The following ADAM22 variants were observed in gnomAD, a reference collection of about 807,000 sequenced individuals.
ADAM22 encodes ADAM metallopeptidase domain 22.
In ADAM22, 65 loss-of-function variants were observed where a neutral mutation model predicts 144.6. The ratio of observed to expected loss-of-function variants is 0.45; its 90% CI spans 0.37 to 0.55. ADAM22 has a LOEUF of 0.55. Among genes scored for constraint, ADAM22 ranks in the 20% least tolerant of loss-of-function variants. The pLI is 0.00. For synonymous variants in ADAM22, 391 were observed against 412.6 expected, an observed-to-expected ratio of 0.95 and a Z score of 0.63; for missense variants, 974 against 1,184.9, an observed-to-expected ratio of 0.82 and a Z score of 2.61.
intron 3 of ADAM22, among the ~76,000 whole-genome samples, chr7:88,047,812 C>T (rs1041296530): frequency 4.6e-5 from 7 of 151,922 alleles, no homozygotes; most frequent in Non-Finnish European, 8.8e-5. Context: ...TTAGATTACA[C>T]GTATGCAGGG....
rs370626885 is a variant in ADAM22, at chr7:87,935,116, C to T, written c.176C>T (p.Ser59Leu). ...SIVPLRLIYR[S>L]GGEDESRHDA... ...GTGCCACTGCGCCTCATCTACCGCT[C>T]GGGCGGCGAAGACGAAAGTCGGCAC... The change falls in exon 2 of 32, where the codon TCG (serine) becomes TTG (leucine). Residue 59 changes from serine to leucine, a missense_variant. Transcript: ENST00000413139. 3 of 1,613,834 alleles carry T rather than the reference C, an allele frequency of 1.9e-6. No homozygotes were observed. The highest frequency in any genetic ancestry group is 1.3e-5 in the African/African-American group (1 of 75,056).
At chr7:88,145,304 T>A in intron 16 of ADAM22, 108 bp downstream of exon 16, 1 of 1,498,008 alleles carries the variant, frequency 6.7e-7, no homozygotes, top group Non-Finnish European at 9.2e-7. Flanking sequence ...TTTATAGGAT[T>A]TGTGGAAGAA....
chr7:88,189,204 G>A (rs1484015858), intron 30 of ADAM22, among the ~76,000 whole-genome samples: 1 of 152,172 alleles, frequency 6.6e-6, no homozygotes, highest in Non-Finnish European at 1.5e-5. Flanking sequence ...CCAGGAAGGA[G>A]CAAGTGAGAT....
At chr7:87,972,325 C>A (rs1375546972) in intron 2 of ADAM22, among the ~76,000 whole-genome samples, 14 of 150,944 alleles carry the variant, frequency 9.3e-5, no homozygotes, top group Non-Finnish European at 1.6e-4. Flanking sequence ...AGTGAACTCC[C>A]ATTCACAATT....
intron 2 of ADAM22, among the ~76,000 whole-genome samples, chr7:87,943,187 T>C (rs1324956100): frequency 6.7e-6 from 1 of 149,920 alleles, no homozygotes; most frequent in Non-Finnish European, 1.5e-5. Context: ...TATATAACTT[T>C]TTTTGTCATG....
chr7:88,041,991 C>G (rs537518930), intron 3 of ADAM22, among the ~76,000 whole-genome samples: 1 of 152,100 alleles, frequency 6.6e-6, no homozygotes, highest in African/African-American at 2.4e-5. Flanking sequence ...TAAATAGCAC[C>G]TGTTTCTATG....
chr7:88,157,267 AATTAGAGGTACATCTAAACATATC>A (rs761794521), intron 22 of ADAM22, among the ~76,000 whole-genome samples: 3 of 152,116 alleles, frequency 2.0e-5, no homozygotes, highest in Non-Finnish European at 4.4e-5. Context: ...CAATGAGTGG[AATTAGAGGTACATCTAAACATATC>A]ATTATGAAAT....
intron 2 of ADAM22, among the ~76,000 whole-genome samples, chr7:87,937,109 C>T (rs1841420164): frequency 6.6e-6 from 1 of 152,100 alleles, no homozygotes; most frequent in Admixed American, 6.5e-5. Flanking sequence ...GCATGTGCCA[C>T]CTTATCTGGC....
At chr7:88,160,630 A>T (rs776201001) in intron 22 of ADAM22, among the ~76,000 whole-genome samples, 1 of 152,300 alleles carries the variant, frequency 6.6e-6, no homozygotes, top group East Asian at 1.9e-4. Flanking sequence ...TACCCAAAGG[A>T]TTATAAATCA....
At chr7:88,051,757 T>C (rs2129474385) in intron 3 of ADAM22, among the ~76,000 whole-genome samples, 1 of 152,322 alleles carries the variant, frequency 6.6e-6, no homozygotes, top group South Asian at 2.1e-4. Context: ...TGCTATTTCT[T>C]AACAAGTTTT....
intron 3 of ADAM22, among the ~76,000 whole-genome samples, chr7:88,009,209 A>T (rs576992288): frequency 6.6e-6 from 1 of 152,300 alleles, no homozygotes; most frequent in East Asian, 1.9e-4. Flanking sequence ...GTTTGTTATC[A>T]CTGTCCTCAT....
Position 88,068,104 on chromosome 7 carries a change from GA to G in ADAM22, c.324-7521del, listed in dbSNP as rs376672242. Among the ~76,000 whole-genome samples, 397 of 152,260 alleles carry G rather than the reference GA, an allele frequency of 2.6e-3. 2 individuals carry two copies. The highest frequency in any genetic ancestry group is 9.2e-3 in the African/African-American group (383 of 41,564). On this transcript the variant is annotated intron_variant, in intron 3 of 31. Transcript: ENST00000413139. ...GAGGAATGGATGGTTAATTCTCAGT[GA>G]TATTTATTCATTTTCTATAGTGAGG...
intron 3 of ADAM22, among the ~76,000 whole-genome samples, chr7:87,981,548 G>A (rs1404371057): frequency 6.6e-6 from 1 of 152,104 alleles, no homozygotes; most frequent in Admixed American, 6.6e-5. Flanking sequence ...TGGGGATAGG[G>A]AAGAGGGAGA....
At chr7:88,182,587 T>C (rs1847351967) in intron 29 of ADAM22, among the ~76,000 whole-genome samples, 2 of 152,218 alleles carry the variant, frequency 1.3e-5, no homozygotes, top group South Asian at 4.1e-4. Flanking sequence ...AACTGAATCA[T>C]TGTCACTAAA....
rs1030219871 is a variant in ADAM22 at position 88,197,393 on chromosome 7, C to G, written c.*902C>G. The G allele has an allele frequency of 4.6e-5, 7 of 152,242 alleles. No individual in the cohort carries two copies. The highest frequency in any genetic ancestry group is 1.3e-4 in the Admixed American group (2 of 15,290). The allele number at this position is 152,242 out of a possible 1,614,324, so 9.4% of individuals were successfully genotyped here. A position where few individuals can be genotyped will look rare whatever the true frequency, so the allele number is the denominator to read the frequency against. Reference sequence around the variant, plus strand: ...GAGAACAAAATGCCCAGCAAAACTTCTGGCCTCCACAGTTTGCTGATGCAG... The same window carrying G: ...GAGAACAAAATGCCCAGCAAAACTTGTGGCCTCCACAGTTTGCTGATGCAG... On this transcript the variant is annotated 3_prime_UTR_variant, in exon 32 of 32. Transcript: ENST00000413139.
At chr7:88,005,560 C>G (rs988661898) in intron 3 of ADAM22, among the ~76,000 whole-genome samples, 5 of 152,120 alleles carry the variant, frequency 3.3e-5, no homozygotes, top group African/African-American at 4.8e-5. Context: ...GATCCTATGA[C>G]AAGATGGATG....
chr7:88,029,858 T>A (rs1481817947), intron 3 of ADAM22, among the ~76,000 whole-genome samples: 1 of 142,920 alleles, frequency 7.0e-6, no homozygotes, highest in Non-Finnish European at 1.6e-5. Context: ...TATTGGAACT[T>A]CATTGTAGTT....
chr7:88,164,599 G>T (rs890126406), intron 23 of ADAM22, among the ~76,000 whole-genome samples: 1 of 151,956 alleles, frequency 6.6e-6, no homozygotes, highest in Non-Finnish European at 1.5e-5. Context: ...TTTATTAGCT[G>T]GGTAACATTG....
chr7:87,969,373 C>T (rs1413551374), intron 2 of ADAM22, among the ~76,000 whole-genome samples: 1 of 152,154 alleles, frequency 6.6e-6, no homozygotes, highest in Non-Finnish European at 1.5e-5. Context: ...GGTATCCCTA[C>T]AGTTGAAGGA....
Sources: allele counts gnomAD v4.1 joint callset (sites outside exome capture counted in the v4.1 genomes callset), GRCh38; gene constraint gnomAD v4.1.1; transcripts MANE v1.5; gene names NCBI Gene and HGNC (gene_info 2026-07-23, HGNC 2026-07-21).